The following CNTN3 variants were observed in gnomAD, a reference collection of about 807,000 sequenced individuals.
CNTN3 encodes the protein contactin 3.
In CNTN3, 60 loss-of-function variants were observed where a neutral mutation model predicts 119.1. The observed-to-expected ratio is 0.50, with a 90% CI of 0.41 to 0.62. The LOEUF is 0.62. Among genes scored for constraint, CNTN3 ranks in the 20% least tolerant of loss-of-function variants. The pLI, the probability that CNTN3 is intolerant of heterozygous loss-of-function variation, is 0.00. For missense variants in CNTN3, 1,101 were observed against 1,242.4 expected (o/e 0.89, Z 1.71); for synonymous variants, 450 against 438.7 (o/e 1.03, Z -0.32).
At chr3:74,413,328 A>T (rs954810513) in intron 5 of CNTN3, among the ~76,000 whole-genome samples, 3 of 152,200 alleles carry the variant, frequency 2.0e-5, no homozygotes, top group African/African-American at 4.8e-5. Flanking sequence ...TGTTGCTGCA[A>T]CATAACCTAT....
intron 4 of CNTN3, among the ~76,000 whole-genome samples, chr3:74,443,149 C>T (rs988194881): frequency 3.3e-4 from 50 of 152,224 alleles, no homozygotes; most frequent in African/African-American, 1.2e-3. Context: ...AGGAGAAGGT[C>T]CTGGGTTTGG....
At chr3:74,297,926 C>G (rs760771264) in intron 18 of CNTN3, 31 bp downstream of exon 18, 9 of 1,496,194 alleles carry the variant, frequency 6.0e-6, no homozygotes, top group Non-Finnish European at 8.3e-6. Flanking sequence ...TATTATTAGG[C>G]GGAACTGATA....
At chr3:74,327,235 T>C (rs1703156441) in intron 13 of CNTN3, among the ~76,000 whole-genome samples, 1 of 151,552 alleles carries the variant, frequency 6.6e-6, no homozygotes, top group Non-Finnish European at 1.5e-5. Flanking sequence ...TTCAAGCCAT[T>C]GTCCTGGCTC....
intron 1 of CNTN3, among the ~76,000 whole-genome samples, chr3:74,578,873 T>G (rs1330502744): frequency 6.6e-6 from 1 of 152,010 alleles, no homozygotes; most frequent in Non-Finnish European, 1.5e-5. Flanking sequence ...CATTCATTGG[T>G]CTATGTATAA....
In CNTN3 at chr3:74,507,421, G is replaced by GAAA. The variant is rs67370797; in HGVS notation, c.56-7639_56-7637dup. On this transcript the variant is annotated intron_variant, in intron 2 of 22. Coordinates refer to ENST00000263665, the MANE Select transcript of CNTN3 (RefSeq NM_020872.3). ...CAACAGAGTGAGACCCCATCTCTAA[G>GAAA]AAAAAAAAAAAAAAGAACTAATACG... Among the ~76,000 whole-genome samples the GAAA allele has an allele frequency of 3.0e-3, 418 of 139,146 alleles. 6 individuals are homozygous for GAAA. The highest frequency in any genetic ancestry group is 0.011 in the African/African-American group (408 of 37,632). The allele number at this position is 139,146 out of a possible 152,430, so 91.3% of individuals were successfully genotyped here.
At chr3:74,309,706 C>T (rs1184667603) in intron 13 of CNTN3, among the ~76,000 whole-genome samples, 1 of 152,186 alleles carries the variant, frequency 6.6e-6, no homozygotes, top group Non-Finnish European at 1.5e-5. Flanking sequence ...CTTTACTCTT[C>T]TTGAAGGTAT....
At chr3:74,479,606 C>A (rs1559624117) in intron 4 of CNTN3, among the ~76,000 whole-genome samples, 1 of 151,902 alleles carries the variant, frequency 6.6e-6, no homozygotes, top group Non-Finnish European at 1.5e-5. Context: ...ATGATGCATC[C>A]TTTTTTAGGA....
At chr3:74,427,241 C>T (rs1701709612) in intron 4 of CNTN3, among the ~76,000 whole-genome samples, 1 of 152,080 alleles carries the variant, frequency 6.6e-6, no homozygotes, top group South Asian at 2.1e-4. Context: ...TTGTAAGTGG[C>T]ACTTTGCTGA....
Position 74,266,587 on chromosome 3 carries a change from A to G in CNTN3, c.2880T>C (p.Ala960=), listed in dbSNP as rs960877706. 14 of 1,613,612 alleles carry G rather than the reference A, an allele frequency of 8.7e-6. No homozygotes were observed. Among genetic ancestry groups the G allele is most frequent in the Non-Finnish European group, 1.2e-5 (14 of 1,179,616 alleles). ...VQVLNTNKTS[A]ELVLPIKEDY... The stretch of plus-strand genomic sequence containing the variant: ...CCTCTTTAATGGGCAGCACAAGTTC[A>G]GCTGAAGTTTTATTTGTGTTCAGTA... Residue 960 remains alanine, a synonymous_variant, in exon 22 of 23, where the codon GCT becomes GCC. Coordinates refer to ENST00000263665, the MANE Select transcript of CNTN3 (RefSeq NM_020872.3).
chr3:74,557,310 T>C (rs1005741747), intron 1 of CNTN3, among the ~76,000 whole-genome samples: 6 of 152,156 alleles, frequency 3.9e-5, no homozygotes, highest in Non-Finnish European at 8.8e-5. Context: ...AATAATTTGG[T>C]AAATAGTGTG....
At chr3:74,315,799 C>A (rs949768732) in intron 13 of CNTN3, among the ~76,000 whole-genome samples, 1 of 151,998 alleles carries the variant, frequency 6.6e-6, no homozygotes, top group African/African-American at 2.4e-5. Context: ...TCACCATACA[C>A]AAAAATTAAG....
At chr3:74,389,612 T>A (rs185889682) in intron 5 of CNTN3, among the ~76,000 whole-genome samples, 179 of 152,286 alleles carry the variant, frequency 1.2e-3, no homozygotes, top group Non-Finnish European at 1.9e-3. Flanking sequence ...CTTTTAATCT[T>A]CACACCATCC....
At chr3:74,399,079 T>C (rs978700639) in intron 5 of CNTN3, among the ~76,000 whole-genome samples, 3 of 152,196 alleles carry the variant, frequency 2.0e-5, no homozygotes, top group Non-Finnish European at 4.4e-5. Context: ...CATCCTACAA[T>C]GCTATAGAGA....
intron 19 of CNTN3, among the ~76,000 whole-genome samples, chr3:74,292,237 G>T (rs1014330261): frequency 2.0e-5 from 3 of 152,136 alleles, no homozygotes; most frequent in African/African-American, 7.2e-5. Flanking sequence ...TTCTTCTGAG[G>T]GATGTCTCAC....
intron 4 of CNTN3, among the ~76,000 whole-genome samples, chr3:74,464,369 AAGC>A (rs1575752155): frequency 6.6e-6 from 1 of 152,204 alleles, no homozygotes; most frequent in East Asian, 1.9e-4. Flanking sequence ...TATAGAACCC[AAGC>A]TAATATATTC....
chr3:74,601,629 T>C (rs1433042365), intron 1 of CNTN3, among the ~76,000 whole-genome samples: 1 of 152,134 alleles, frequency 6.6e-6, no homozygotes, highest in African/African-American at 2.4e-5. Flanking sequence ...TATGACAGAT[T>C]GCATTATTGG....
At chr3:74,410,036 T>C (rs1395058625) in intron 5 of CNTN3, among the ~76,000 whole-genome samples, 2 of 152,170 alleles carry the variant, frequency 1.3e-5, no homozygotes, top group East Asian at 1.9e-4. Flanking sequence ...ATCAATGCAT[T>C]TTGGAAATAC....
intron 3 of CNTN3, among the ~76,000 whole-genome samples, chr3:74,488,929 C>T (rs949009428): frequency 2.0e-5 from 3 of 152,158 alleles, no homozygotes; most frequent in Non-Finnish European, 4.4e-5. Flanking sequence ...CAAATCAAGT[C>T]CATATCTCAT....
At chr3:74,496,431 C>G (rs1403478000) in intron 3 of CNTN3, among the ~76,000 whole-genome samples, 2 of 152,048 alleles carry the variant, frequency 1.3e-5, no homozygotes, top group African/African-American at 2.4e-5. Context: ...GAATGATAGA[C>G]AGTTTCCAGT....
Sources: allele counts gnomAD v4.1 joint callset (sites outside exome capture counted in the v4.1 genomes callset), GRCh38; gene constraint gnomAD v4.1.1; transcripts MANE v1.5; gene names NCBI Gene and HGNC (gene_info 2026-07-23, HGNC 2026-07-21).